TRMT10A: variants seen among roughly 807,000 people sequenced by gnomAD.
TRMT10A encodes the protein tRNA methyltransferase 10A.
A neutral mutation model predicts 40.4 loss-of-function variants in TRMT10A; 37 were observed. The observed-to-expected ratio is 0.92, with a 90% CI of 0.71 to 1.21. The LOEUF is 1.21. TRMT10A is among the 50% of genes most tolerant of loss of function. The pLI is 0.00. For missense variants in TRMT10A, 388 were observed against 404.3 expected (o/e 0.96, Z 0.35); for synonymous variants, 103 against 134.1 (o/e 0.77, Z 1.60).
At chr4:99,563,722 A>T in intron 1 of TRMT10A, 191 bp downstream of exon 1, 1 of 390,512 alleles carries the variant, frequency 2.6e-6, no homozygotes, top group South Asian at 2.0e-5. Context: ...GCAGCTGGGT[A>T]GGCCGCGGGG....
intron 1 of TRMT10A, among the ~76,000 whole-genome samples, chr4:99,560,951 ATTTT>A (rs5860581): frequency 7.2e-6 from 1 of 139,710 alleles, no homozygotes; most frequent in Non-Finnish European, 1.5e-5. Context: ...CTATGTGAAG[ATTTT>A]TTTTTTTTTT....
chr4:99,561,005 C>G (rs1468225124), intron 1 of TRMT10A, among the ~76,000 whole-genome samples: 2 of 150,106 alleles, frequency 1.3e-5, no homozygotes, highest in Admixed American at 6.7e-5. Flanking sequence ...GGCTGGAGTG[C>G]AGTGGCGCGA....
intron 6 of TRMT10A, among the ~76,000 whole-genome samples, chr4:99,553,514 C>T (rs1578207112): frequency 6.6e-6 from 1 of 152,146 alleles, no homozygotes; most frequent in African/African-American, 2.4e-5. Flanking sequence ...GCTGCTTTGT[C>T]ACCTACTACT....
chr4:99,551,978 T>C (rs564134912), intron 6 of TRMT10A, among the ~76,000 whole-genome samples: 5 of 152,088 alleles, frequency 3.3e-5, no homozygotes, highest in Admixed American at 3.3e-4. Flanking sequence ...AAGAAGCCTA[T>C]GGAATAAGGA....
Position 99,549,323 on chromosome 4 carries a change from CTT to C in TRMT10A, c.783_784del (p.Asp263LeufsTer23), listed in dbSNP as rs775943585. 1.2e-6 allele frequency: 2 copies of C among 1,614,008 alleles called. No homozygotes were observed. The highest frequency in any genetic ancestry group is 1.3e-5 in the African/African-American group (1 of 74,916). On this transcript the variant is annotated frameshift_variant, in exon 8 of 8. Transcript: ENST00000394876. LOFTEE classifies it low-confidence loss of function (END_TRUNC). ...AGTAAAAAATGCTTCTTGCCAGTCT[CTT>C]GTTTCCAGGTATTCCAGAATAATTT...
At position 99,554,589 on chromosome 4, in the gene TRMT10A, C is replaced by T. The variant is rs1449909864; in HGVS notation, c.496-655G>A. 4.0e-5 allele frequency among the ~76,000 whole-genome samples: 6 copies of T among 151,738 alleles called. No homozygotes were observed. In the East Asian group the frequency reaches 7.7e-4, roughly 20 times the overall value. ...TACAAAAATTAGCTGGGTGTGGTGG[C>T]GGGCTCCTGTAATCCCAGCTACTCG... On this transcript the variant is annotated intron_variant, in intron 5 of 7. Transcript: ENST00000394876.
chr4:99,554,926 G>C (rs968159880), intron 5 of TRMT10A, among the ~76,000 whole-genome samples: 2 of 151,992 alleles, frequency 1.3e-5, no homozygotes, highest in African/African-American at 4.8e-5. Context: ...GTATCACCAG[G>C]CTCAGATGAC....
chr4:99,562,846 A>T (rs577651884), intron 1 of TRMT10A, among the ~76,000 whole-genome samples: 1 of 136,220 alleles, frequency 7.3e-6, no homozygotes, highest in South Asian at 2.4e-4. Flanking sequence ...TTTGAGACGG[A>T]GTTTCGCTCT....
rs1314528122 is a variant in TRMT10A at position 99,548,897 on chromosome 4, G to A, written c.*191C>T. On this transcript the variant is annotated 3_prime_UTR_variant, in exon 8 of 8. Transcript: ENST00000394876. ...CACATACACATTTAAATCTTCTTAC[G>A]CAAAATCAAAAAATATTTCCTTACA... 11 of 523,654 alleles carry A rather than the reference G, an allele frequency of 2.1e-5. No individual in the cohort carries two copies. Among genetic ancestry groups the A allele is most frequent in the African/African-American group, 9.9e-5 (5 of 50,466 alleles). 32.4% of individuals were successfully genotyped at this position (523,654 alleles called of 1,614,324 possible).
intron 1 of TRMT10A, 39 bp from the exon 2 acceptor site, chr4:99,559,400 T>G (rs2110192912): frequency 7.4e-7 from 1 of 1,352,512 alleles, no homozygotes; most frequent in Middle Eastern, 1.9e-4. Flanking sequence ...CACAAAAAAG[T>G]TAAAAAACTC....
In TRMT10A at chr4:99,558,075, T is replaced by C. The variant is rs892092755; in HGVS notation, c.322A>G (p.Ser108Gly). The C allele has an allele frequency of 1.9e-6, 3 of 1,603,926 alleles. No homozygotes were observed. Among genetic ancestry groups the C allele is most frequent in the Admixed American group, 1.7e-5 (1 of 57,446 alleles). ...HSTLRLIIDC[S>G]FDHLMVLKDI... is the part of the protein sequence containing the mutation. ...TTTAATACCATCAAGTGATCAAAACTACAGTCAATAATAAGGCGAAGGGTG... is the reference window on the plus strand; with the variant it reads ...TTTAATACCATCAAGTGATCAAAACCACAGTCAATAATAAGGCGAAGGGTG... Residue 108 changes from serine (S) to glycine (G), a missense_variant, in exon 3 of 8, where the codon AGT (serine) becomes GGT (glycine). Ser to Gly is a moderately conservative substitution (Grantham distance 56). Coordinates refer to ENST00000394876, the MANE Select transcript of TRMT10A (RefSeq NM_001134665.3).
chr4:99,557,597 G>C (rs1724215648), intron 3 of TRMT10A, 181 bp from the exon 4 acceptor site: 1 of 539,158 alleles, frequency 1.9e-6, no homozygotes. Flanking sequence ...ATTACTGTAA[G>C]TTAATGCTCT....
At chr4:99,559,008 C>T (rs1724275983) in intron 2 of TRMT10A, 146 bp downstream of exon 2, 1 of 831,470 alleles carries the variant, frequency 1.2e-6, no homozygotes, top group Non-Finnish European at 1.8e-6. Flanking sequence ...ATTTTCTTCT[C>T]TTGCGTTTTT....
At chr4:99,559,751 G>A (rs1190433695) in intron 1 of TRMT10A, among the ~76,000 whole-genome samples, 1 of 152,082 alleles carries the variant, frequency 6.6e-6, no homozygotes. Context: ...TTTTAACAGT[G>A]AAAAGTTAGA....
intron 7 of TRMT10A, among the ~76,000 whole-genome samples, chr4:99,550,658 A>G (rs945284146): frequency 2.0e-5 from 3 of 152,214 alleles, no homozygotes; most frequent in Non-Finnish European, 2.9e-5. Flanking sequence ...AAAAGTTAAC[A>G]CCAAGTATTT....
chr4:99,563,575 C>A (rs1724550400), intron 1 of TRMT10A: 1 of 257,334 alleles, frequency 3.9e-6, no homozygotes, highest in Non-Finnish European at 7.9e-6. Flanking sequence ...ATACTACGGG[C>A]CGATGGCAAC....
Position 99,548,962 on chromosome 4 carries a change from A to G in TRMT10A, c.*126T>C. 1.0e-6 allele frequency: 1 copy of G among 993,260 alleles called. No homozygotes were observed. Among genetic ancestry groups the G allele is most frequent in the Non-Finnish European group, 1.4e-6 (1 of 733,304 alleles). The allele number at this position is 993,260 out of a possible 1,614,324, so 61.5% of individuals were successfully genotyped here. A position where few individuals can be genotyped will look rare whatever the true frequency, so the allele number is the denominator to read the frequency against. On this transcript the variant is annotated 3_prime_UTR_variant, in exon 8 of 8. Coordinates refer to ENST00000394876, the MANE Select transcript of TRMT10A (RefSeq NM_001134665.3). ...TTTTTTTTTATTATTATTTAGGTCCAAAAAAAAGTTTTTAAAAATCACAAC... is the reference window on the plus strand; with the variant it reads ...TTTTTTTTTATTATTATTTAGGTCCGAAAAAAAGTTTTTAAAAATCACAAC...
intron 4 of TRMT10A, among the ~76,000 whole-genome samples, chr4:99,556,421 T>A (rs768975792): frequency 3.3e-5 from 5 of 152,210 alleles, no homozygotes; most frequent in Non-Finnish European, 7.4e-5. Flanking sequence ...GCATGTTTCA[T>A]AACCCAGTAG....
At chr4:99,562,143 C>T (rs1724424251) in intron 1 of TRMT10A, among the ~76,000 whole-genome samples, 1 of 145,280 alleles carries the variant, frequency 6.9e-6, no homozygotes, top group African/African-American at 2.6e-5. Context: ...TGCACTCCAA[C>T]TAGGGCAACA....
Sources: allele counts gnomAD v4.1 joint callset (sites outside exome capture counted in the v4.1 genomes callset), GRCh38; gene constraint gnomAD v4.1.1; transcripts MANE v1.5; gene names NCBI Gene and HGNC (gene_info 2026-07-23, HGNC 2026-07-21).